MPPED2: variants seen among roughly 807,000 people sequenced by gnomAD.
The protein encoded by MPPED2 is metallophosphoesterase MPPED2.
In MPPED2, 5 loss-of-function variants were observed where a neutral mutation model predicts 33.0. That is an observed-to-expected ratio of 0.15 (90% CI 0.08 to 0.32). The LOEUF is 0.32. Among genes scored for constraint, MPPED2 ranks in the 10% least tolerant of loss-of-function variants. The pLI is 1.00. For synonymous variants in MPPED2, 136 were observed against 141.9 expected, an observed-to-expected ratio of 0.96 and a Z score of 0.29; for missense variants, 275 against 372.1, an observed-to-expected ratio of 0.74 and a Z score of 2.15.
At chr11:30,571,428 G>A (rs897979067) in intron 2 of MPPED2, among the ~76,000 whole-genome samples, 1 of 151,974 alleles carries the variant, frequency 6.6e-6, no homozygotes, top group African/African-American at 2.4e-5. Flanking sequence ...TTTCCTCTTT[G>A]CAGAGTTAGT....
At chr11:30,490,063 C>T (rs1361924385) in intron 4 of MPPED2, among the ~76,000 whole-genome samples, 1 of 152,126 alleles carries the variant, frequency 6.6e-6, no homozygotes, top group Non-Finnish European at 1.5e-5. Flanking sequence ...TCTACCTTAC[C>T]TCTACCCAGC....
In MPPED2 at chr11:30,524,020, G is replaced by A. The variant is rs554990300; in HGVS notation, c.310+11974C>T. The stretch of plus-strand genomic sequence containing the variant: ...AATCCCAGCACTTTGGGAGGCTGAG[G>A]CAGGTGGATCACCTGAGGTCAGGAG... On this transcript the variant is annotated intron_variant, in intron 3 of 6. Transcript: ENST00000358117. Among the ~76,000 whole-genome samples the A allele has an allele frequency of 5.9e-5, 9 of 152,222 alleles. No homozygotes were observed. The South Asian group carries it at 1.9e-3, about 32-fold the overall frequency.
intron 2 of MPPED2, among the ~76,000 whole-genome samples, chr11:30,536,413 T>C (rs1056584347): frequency 6.6e-5 from 10 of 152,116 alleles, no homozygotes; most frequent in African/African-American, 2.4e-4. Flanking sequence ...TTAAAAGGAA[T>C]GAATATCTTA....
intron 4 of MPPED2, among the ~76,000 whole-genome samples, chr11:30,489,628 C>T (rs1022844502): frequency 2.6e-5 from 4 of 152,220 alleles, no homozygotes; most frequent in African/African-American, 9.6e-5. Context: ...AAGGCACTTC[C>T]TCCACAGTTA....
intron 4 of MPPED2, among the ~76,000 whole-genome samples, chr11:30,470,266 A>C (rs1442459233): frequency 1.3e-5 from 2 of 152,172 alleles, no homozygotes; most frequent in Non-Finnish European, 2.9e-5. Flanking sequence ...TGGTCAGTCA[A>C]GCAAACAAGC....
At chr11:30,483,503 T>C (rs1951584597) in intron 4 of MPPED2, among the ~76,000 whole-genome samples, 1 of 152,164 alleles carries the variant, frequency 6.6e-6, no homozygotes, top group Admixed American at 6.5e-5. Context: ...AGAAGAAAAG[T>C]GGGAGAGAGA....
chr11:30,549,062 AAT>A (rs1955577982), intron 2 of MPPED2, among the ~76,000 whole-genome samples: 1 of 152,222 alleles, frequency 6.6e-6, no homozygotes, highest in Non-Finnish European at 1.5e-5. Context: ...GCAACAAAAA[AAT>A]ATGAGTTCAA....
At chr11:30,491,018 A>G (rs531221794) in intron 4 of MPPED2, among the ~76,000 whole-genome samples, 5 of 152,214 alleles carry the variant, frequency 3.3e-5, no homozygotes, top group African/African-American at 1.2e-4. Flanking sequence ...ACTTCCTCCA[A>G]AAAAGTCACT....
chr11:30,401,271 C>A (rs1947904770), intron 6 of MPPED2, among the ~76,000 whole-genome samples: 1 of 152,126 alleles, frequency 6.6e-6, no homozygotes, highest in Non-Finnish European at 1.5e-5. Flanking sequence ...GCTTATTTGC[C>A]CTGGTGCTGT....
chr11:30,548,294 GC>G (rs1188109911), intron 2 of MPPED2, among the ~76,000 whole-genome samples: 1 of 151,894 alleles, frequency 6.6e-6, no homozygotes, highest in Admixed American at 6.6e-5. Context: ...GCTCACTGCA[GC>G]CTTGAACTCC....
intron 1 of MPPED2, among the ~76,000 whole-genome samples, chr11:30,583,475 T>G (rs896089613): frequency 2.6e-5 from 4 of 151,998 alleles, no homozygotes; most frequent in African/African-American, 9.7e-5. Flanking sequence ...GAAAGAAAAA[T>G]CTAAAAGGGA....
intron 5 of MPPED2, among the ~76,000 whole-genome samples, 180 bp from the exon 6 acceptor site, chr11:30,414,521 T>C (rs1018822259): frequency 6.6e-6 from 1 of 151,460 alleles, no homozygotes; most frequent in Non-Finnish European, 1.5e-5. Flanking sequence ...CTTCTTTAGG[T>C]TCTTGAAATT....
chr11:30,519,307 C>A (rs531470929), intron 3 of MPPED2, among the ~76,000 whole-genome samples: 56 of 151,818 alleles, frequency 3.7e-4, no homozygotes, highest in Admixed American at 1.8e-3. Flanking sequence ...CGTACACACA[C>A]AAAAAAGTAT....
chr11:30,518,147 C>T (rs571299054), intron 3 of MPPED2, among the ~76,000 whole-genome samples: 3 of 152,302 alleles, frequency 2.0e-5, no homozygotes, highest in South Asian at 4.1e-4. Flanking sequence ...ACAGTCTCTG[C>T]TTAGGATCTT....
chr11:30,398,909 A>T (rs1374142136), intron 6 of MPPED2, among the ~76,000 whole-genome samples: 3 of 152,032 alleles, frequency 2.0e-5, no homozygotes, highest in Non-Finnish European at 4.4e-5. Context: ...AATGGTTATA[A>T]ATGTTTTTTT....
chr11:30,556,280 T>C (rs1297317973), intron 2 of MPPED2, among the ~76,000 whole-genome samples: 1 of 152,190 alleles, frequency 6.6e-6, no homozygotes, highest in Non-Finnish European at 1.5e-5. Context: ...GCCTACACCA[T>C]TTGACTCTTA....
intron 4 of MPPED2, among the ~76,000 whole-genome samples, chr11:30,444,011 G>A (rs1421875790): frequency 6.6e-6 from 1 of 152,094 alleles, no homozygotes; most frequent in African/African-American, 2.4e-5. Context: ...TCTTTTTTGT[G>A]TTATTGCTAT....
At chr11:30,429,670 A>T (rs1347550620) in intron 4 of MPPED2, among the ~76,000 whole-genome samples, 1 of 152,138 alleles carries the variant, frequency 6.6e-6, no homozygotes, top group Non-Finnish European at 1.5e-5. Flanking sequence ...ATGCAATGTG[A>T]GGCAATGCCC....
intron 2 of MPPED2, among the ~76,000 whole-genome samples, chr11:30,542,511 T>C (rs1955184253): frequency 1.3e-5 from 2 of 149,428 alleles, no homozygotes; most frequent in Admixed American, 1.3e-4. Flanking sequence ...ATGCTTATAG[T>C]TCCAGCTACT....
Sources: gnomAD v4.1 joint callset for allele counts (sites outside exome capture counted in the v4.1 genomes callset) on GRCh38, gnomAD v4.1.1 for gene constraint, MANE v1.5 for transcripts, NCBI Gene and HGNC (gene_info 2026-07-23, HGNC 2026-07-21) for gene names.